The following MED12 variants were observed in gnomAD, a reference collection of about 807,000 sequenced individuals.
MED12 encodes the protein mediator complex subunit 12.
A neutral mutation model predicts 177.7 loss-of-function variants in MED12; 10 were observed. The ratio of observed to expected loss-of-function variants is 0.06; its 90% confidence interval spans 0.03 to 0.10. The LOEUF (loss-of-function observed/expected upper bound fraction) is 0.10, where lower values mean the gene tolerates loss of function less well. MED12 is among the 10% of genes least tolerant of loss of function. The pLI is 1.00. For synonymous variants in MED12, 641 were observed against 678.4 expected (o/e 0.94, Z 0.86); for missense variants, 867 against 1,780.8 (o/e 0.49, Z 9.23).
Position 71,137,400 on chromosome X carries a change from G to A in MED12, c.5748+17G>A, listed in dbSNP as rs1245767943. Reference sequence around the variant, plus strand: ...CAGCTCCAGGCAAAGATAGTGAGAGGGGCAGTAGGGAGGGCTGTCAGGGAG... The same window carrying A: ...CAGCTCCAGGCAAAGATAGTGAGAGAGGCAGTAGGGAGGGCTGTCAGGGAG... On this transcript the variant is annotated intron_variant, in intron 39 of 44. Transcript: ENST00000374080. 3 of 1,206,591 alleles carry A rather than the reference G, an allele frequency of 2.5e-6. No homozygotes were observed. In the African/African-American group the frequency reaches 5.3e-5, roughly 21 times the overall value.
At position 71,121,665 on chromosome X, in the gene MED12, C is replaced by T; in HGVS notation, c.950C>T (p.Ser317Phe). The T allele has an allele frequency of 1.7e-6, 2 of 1,211,608 alleles. No homozygotes were observed. The highest frequency in any genetic ancestry group is 2.2e-6 in the Non-Finnish European group (2 of 895,500). Residue 317 changes from serine to phenylalanine, a missense_variant, in exon 7 of 45, where the codon TCT (serine) becomes TTT (phenylalanine). Around this residue, in one of 14 missense-constraint regions of MED12, gnomAD observed 309 missense variants for 556.3 expected, o/e 0.56. Coordinates refer to ENST00000374080, the MANE Select transcript of MED12 (RefSeq NM_005120.3). The part of the protein sequence containing the change: ...LQLDGVSSHS[S>F]HVISAQSTST... Reference sequence around the variant, plus strand: ...CTGGATGGTGTGAGCAGTCACTCATCTCATGTTATATCTGCTCAGTCAACA... The same window carrying T: ...CTGGATGGTGTGAGCAGTCACTCATTTCATGTTATATCTGCTCAGTCAACA...
chrX:71,131,037 C>T (rs981339406), intron 28 of MED12, among the ~76,000 whole-genome samples: 8 of 110,448 alleles, frequency 7.2e-5, no homozygotes, highest in African/African-American at 2.0e-4. Flanking sequence ...CTTCCTGATA[C>T]GAAGGGATGG....
chrX:71,129,523 GTC>G, intron 26 of MED12, 94 bp downstream of exon 26: 1 of 949,122 alleles, frequency 1.1e-6, no homozygotes, highest in Non-Finnish European at 1.5e-6. Flanking sequence ...TCTGAAGGTG[GTC>G]TCTCTGACCT....
At chrX:71,136,060 G>A (rs999040513) in intron 36 of MED12, among the ~76,000 whole-genome samples, 14 of 106,331 alleles carry the variant, frequency 1.3e-4, no homozygotes, top group Non-Finnish European at 2.1e-4. Context: ...GTCTGGGCTG[G>A]CTTCATCTTG....
rs750186446 is a variant in MED12, at chrX:71,125,389, C to T, written c.2265C>T (p.Val755=). ...GCCATGAGTGCAACCAGCGGTTGGT[C>T]GTACTGTTTGGGGTGGGAAAGCAGC... ...SCSHECNQRL[V]VLFGVGKQRD... Residue 755 remains valine, a synonymous_variant, in exon 16 of 45, where the codon GTC becomes GTT. Transcript: ENST00000374080. 15 of 1,207,897 alleles carry T rather than the reference C, an allele frequency of 1.2e-5. No homozygotes were observed. In the Admixed American group the frequency reaches 1.5e-4, roughly 12 times the overall value.
chrX:71,123,325 A>G (rs917198989), intron 11 of MED12, 99 bp downstream of exon 11: 82 of 1,088,419 alleles, frequency 7.5e-5, no homozygotes, highest in Non-Finnish European at 9.9e-5. Context: ...CCAGAGTTGA[A>G]GGTGTGAGAA....
intron 9 of MED12, 44 bp from the exon 10 acceptor site, chrX:71,122,694 A>C (rs2092292618): frequency 8.3e-7 from 1 of 1,208,961 alleles, no homozygotes; most frequent in African/African-American, 1.7e-5. Flanking sequence ...GCCAGAATGC[A>C]CCGGGCCTCT....
chrX:71,119,865 A>G lies in MED12; in HGVS notation c.384A>G (p.Gln128=), dbSNP rs201566660. The part of the protein sequence containing the change: ...TDLAGTKPLT[Q]LAKKVPIFSK... ...TGGCTGGCACCAAGCCACTCACGCAACTAGCCAAAAAGGTAAGGTACTGTT... is the reference window on the plus strand; with the variant it reads ...TGGCTGGCACCAAGCCACTCACGCAGCTAGCCAAAAAGGTAAGGTACTGTT... The change falls in exon 3 of 45, where the codon CAA becomes CAG. Residue 128 remains glutamine (Q), a synonymous_variant. Coordinates refer to ENST00000374080, the MANE Select transcript of MED12 (RefSeq NM_005120.3). 485 of 1,209,666 alleles carry G rather than the reference A, an allele frequency of 4.0e-4. 3 individuals carry two copies. In the African/African-American group the frequency reaches 7.9e-3, roughly 20 times the overall value.
intron 41 of MED12, among the ~76,000 whole-genome samples, chrX:71,138,917 C>G (rs1242274153): frequency 2.7e-5 from 3 of 111,627 alleles, no homozygotes; most frequent in African/African-American, 9.8e-5. Flanking sequence ...GTTAGTCAAG[C>G]CTTAGTTGAG....
chrX:71,120,762 C>G (rs1298043819), intron 4 of MED12, among the ~76,000 whole-genome samples: 1 of 110,494 alleles, frequency 9.1e-6, no homozygotes, highest in African/African-American at 3.3e-5. Flanking sequence ...AGGCGCCCAC[C>G]ACTGCGCCCG....
intron 16 of MED12, 69 bp from the exon 17 acceptor site, chrX:71,125,594 C>G: frequency 8.4e-7 from 1 of 1,183,795 alleles, no homozygotes; most frequent in Non-Finnish European, 1.1e-6. Flanking sequence ...TCCCAATGTC[C>G]TGTCTCTTGG....
At chrX:71,140,983 T>C in intron 42 of MED12, 126 bp downstream of exon 42, 2 of 1,151,457 alleles carry the variant, frequency 1.7e-6, no homozygotes, top group Non-Finnish European at 2.3e-6. Context: ...GCGGCTGGCC[T>C]CTAGTGGTGC....
chrX:71,129,764 G>T lies in MED12; in HGVS notation c.3776G>T (p.Gly1259Val). 2.5e-6 allele frequency: 3 copies of T among 1,209,043 alleles called. No homozygotes were observed. Among genetic ancestry groups the T allele is most frequent in the Non-Finnish European group, 3.4e-6 (3 of 894,138 alleles). The change falls in exon 27 of 45, where the codon GGT (glycine) becomes GTT (valine). Residue 1259 changes from glycine to valine, a missense_variant. By Grantham distance (109) the Gly-to-Val change is moderately radical (BLOSUM62 -3). This residue lies in a region of MED12 where 29 missense variants were observed against 31.3 expected (regional missense o/e 0.93). Coordinates refer to ENST00000374080, the MANE Select transcript of MED12 (RefSeq NM_005120.3). Reference protein sequence around the residue: ...LPEEEGGGGSGGRRQGGRNIS... With the variant: ...LPEEEGGGGSVGRRQGGRNIS... Reference sequence around the variant, plus strand: ...GAGGAGGAGGGAGGAGGTGGCAGTGGTGGTCGGAGGCAGGGTGGCCGCAAC... The same window carrying T: ...GAGGAGGAGGGAGGAGGTGGCAGTGTTGGTCGGAGGCAGGGTGGCCGCAAC...
intron 28 of MED12, among the ~76,000 whole-genome samples, chrX:71,130,829 T>C (rs1486572345): frequency 8.9e-6 from 1 of 112,390 alleles, no homozygotes; most frequent in Non-Finnish European, 1.9e-5. Context: ...GAGGAAAAGC[T>C]AAAGGAATAA....
Position 71,122,306 on chromosome X carries a change from A to G in MED12, c.1208A>G (p.Asn403Ser), listed in dbSNP as rs1602295395. The G allele has an allele frequency of 1.3e-5, 16 of 1,210,211 alleles. No individual in the cohort carries two copies. Among genetic ancestry groups the G allele is most frequent in the East Asian group, 3.0e-5 (1 of 33,800 alleles). ...GACCACTTGCCTATTGCCCCGTCCA[A>G]CCTGCCCATGCCAGAGGGTAACAGT... ...PLDHLPIAPS[N>S]LPMPEGNSAF... is the part of the protein sequence containing the mutation. The change falls in exon 8 of 45, where the codon AAC (asparagine) becomes AGC (serine). Residue 403 changes from asparagine (N) to serine (S), a missense_variant. Physicochemically the swap from Asn to Ser is conservative, Grantham distance 46. Coordinates refer to ENST00000374080, the MANE Select transcript of MED12 (RefSeq NM_005120.3).
Position 71,121,022 on chromosome X carries a change from C to T in MED12, c.605C>T (p.Ala202Val). The T allele has an allele frequency of 8.3e-7, 1 of 1,211,767 alleles. No individual in the cohort carries two copies. Among genetic ancestry groups the T allele is most frequent in the Non-Finnish European group, 1.1e-6 (1 of 895,426 alleles). The change falls in exon 5 of 45, where the codon GCT becomes GTT. Residue 202 changes from alanine to valine, a missense_variant. Ala to Val is a moderately conservative substitution (Grantham distance 64). Coordinates refer to ENST00000374080, the MANE Select transcript of MED12 (RefSeq NM_005120.3). ...TTATGGGAGCAGTTACAGAAGATGG[C>T]TGAATACTACCGGCCAGGGCCTGCA... is the stretch of plus-strand genomic sequence containing the variant. Reference protein sequence around the residue: ...KYLWEQLQKMAEYYRPGPAGS... With the variant: ...KYLWEQLQKMVEYYRPGPAGS...
At chrX:71,141,178 G>T in intron 42 of MED12, 52 bp from the exon 43 acceptor site, 1 of 1,164,924 alleles carries the variant, frequency 8.6e-7, no homozygotes, top group Non-Finnish European at 1.1e-6. Context: ...TTAGTTCTGA[G>T]GCTTAGCTTC....
chrX:71,134,250 AAC>A, intron 33 of MED12, 105 bp from the exon 34 acceptor site: 116 of 450,621 alleles, frequency 2.6e-4, no homozygotes, highest in Non-Finnish European at 3.3e-4. Context: ...AAAAAAAAAA[AAC>A]TCAAGCATGA....
rs762692180 is a variant in MED12 at position 71,130,194 on chromosome X, C to T, written c.4027C>T (p.Arg1343Cys). ...NEDGENPQRQ[R>C]IKRILQNLDQ... ...GGATGGGGAAAACCCCCAGCGGCAG[C>T]GCATAAAGCGCATTCTCCAGGTAGG... The change falls in exon 28 of 45, where the codon CGC (arginine) becomes TGC (cysteine). Residue 1343 changes from arginine (R) to cysteine (C), a missense_variant. By Grantham distance (180) the Arg-to-Cys change is radical. Coordinates refer to ENST00000374080, the MANE Select transcript of MED12 (RefSeq NM_005120.3). 6 of 1,206,019 alleles carry T rather than the reference C, an allele frequency of 5.0e-6. No individual in the cohort carries two copies. Among genetic ancestry groups the T allele is most frequent in the East Asian group, 3.0e-5 (1 of 33,649 alleles).
Sources: allele counts gnomAD v4.1 joint callset (sites outside exome capture counted in the v4.1 genomes callset), GRCh38; gene constraint gnomAD v4.1.1; regional missense constraint gnomAD v4.1.1; transcripts MANE v1.5; gene names NCBI Gene and HGNC (gene_info 2026-07-23, HGNC 2026-07-21).